Variants in SCOC observed in about 807,000 individuals in gnomAD.
SCOC encodes the protein short coiled-coil protein.
A neutral mutation model predicts 9.9 loss-of-function variants in SCOC; 7 were observed. The observed-to-expected ratio is 0.71, with a 90% CI of 0.40 to 1.33. SCOC has a LOEUF of 1.33. Ranked by LOEUF, SCOC falls within the 40% of genes most tolerant of loss-of-function variation. The pLI is 0.01. For synonymous variants in SCOC, 19 were observed against 28.2 expected (o/e 0.67, Z 1.03); for missense variants, 66 against 89.7 (o/e 0.74, Z 1.07).
intron 1 of SCOC, chr4:140,293,252 C>G: frequency 2.2e-6 from 1 of 455,012 alleles, no homozygotes; most frequent in South Asian, 1.6e-5. Flanking sequence ...ATAACCATAC[C>G]CCACATACCA....
chr4:140,375,819 A>T (rs1578884420), intron 1 of SCOC, among the ~76,000 whole-genome samples: 1 of 152,192 alleles, frequency 6.6e-6, no homozygotes, highest in Non-Finnish European at 1.5e-5. Flanking sequence ...GAAAGGTCTG[A>T]CCTAGCCATA....
At position 140,381,288 on chromosome 4, in the gene SCOC, A is replaced by T. The variant is rs990329626; in HGVS notation, c.*184A>T. 3.9e-6 allele frequency: 2 copies of T among 507,460 alleles called. No individual in the cohort carries two copies. The highest frequency in any genetic ancestry group is 6.4e-5 in the South Asian group (2 of 31,356). 31.4% of individuals were successfully genotyped at this position (507,460 alleles called of 1,614,324 possible). On this transcript the variant is annotated 3_prime_UTR_variant, in exon 4 of 4. Transcript: ENST00000608372. ...ATAAGTTTGTGTATTATGTTAGTCT[A>T]TGAAAACGTGCAAATGTATTGTAGA...
upstream of SCOC, among the ~76,000 whole-genome samples, chr4:140,372,733 G>A (rs1728108167): frequency 6.6e-6 from 1 of 152,150 alleles, no homozygotes; most frequent in Non-Finnish European, 1.5e-5. Context: ...GAGACATAAG[G>A]CTTGTCTCTA....
intron 1 of SCOC, among the ~76,000 whole-genome samples, chr4:140,327,238 G>A (rs1204862363): frequency 1.3e-5 from 2 of 152,168 alleles, no homozygotes; most frequent in African/African-American, 2.4e-5. Flanking sequence ...TTCGAAGAGC[G>A]AGGACTCTGT....
chr4:140,282,479 G>A (rs993637094), intron 1 of SCOC, among the ~76,000 whole-genome samples: 14 of 151,814 alleles, frequency 9.2e-5, no homozygotes, highest in East Asian at 1.9e-4. Context: ...CCCACCCCCC[G>A]TCCCCATGAA....
intron 2 of SCOC, among the ~76,000 whole-genome samples, chr4:140,347,183 G>A (rs1726774665): frequency 1.3e-5 from 2 of 151,954 alleles, no homozygotes; most frequent in South Asian, 4.1e-4. Flanking sequence ...ATGGCTACTA[G>A]GTTTTTTGGA....
At chr4:140,359,182 G>A (rs1033690876) in intron 2 of SCOC, among the ~76,000 whole-genome samples, 6 of 152,154 alleles carry the variant, frequency 3.9e-5, no homozygotes, top group African/African-American at 1.2e-4. Context: ...TCCCTTAGGG[G>A]TCTCTCCTGC....
intron 2 of SCOC, among the ~76,000 whole-genome samples, chr4:140,351,440 C>T (rs1560714426): frequency 6.6e-6 from 1 of 152,118 alleles, no homozygotes; most frequent in Non-Finnish European, 1.5e-5. Context: ...TCCTTCCCAT[C>T]GCTCCTCTCC....
chr4:140,270,738 A>C (rs1730825468), intron 1 of SCOC, among the ~76,000 whole-genome samples: 1 of 152,200 alleles, frequency 6.6e-6, no homozygotes, highest in African/African-American at 2.4e-5. Context: ...AGAAAGGCAC[A>C]TTCACAGATC....
chr4:140,300,908 C>A (rs900594735), intron 1 of SCOC, among the ~76,000 whole-genome samples: 1 of 152,178 alleles, frequency 6.6e-6, no homozygotes, highest in African/African-American at 2.4e-5. Flanking sequence ...GGGCTGGCAC[C>A]TCCTCAATGG....
chr4:140,380,070 A>G (rs1728505627), intron 3 of SCOC, among the ~76,000 whole-genome samples: 1 of 152,190 alleles, frequency 6.6e-6, no homozygotes, highest in Non-Finnish European at 1.5e-5. Flanking sequence ...TAATGAAATT[A>G]AGAGGTTGTG....
intron 2 of SCOC, among the ~76,000 whole-genome samples, chr4:140,348,334 A>T (rs1726829930): frequency 6.6e-6 from 1 of 152,062 alleles, no homozygotes; most frequent in Non-Finnish European, 1.5e-5. Flanking sequence ...ACCTCTGATA[A>T]TCATCATTGT....
intron 1 of SCOC, among the ~76,000 whole-genome samples, chr4:140,257,776 T>C (rs1730541212): frequency 6.6e-6 from 1 of 152,244 alleles, no homozygotes; most frequent in Non-Finnish European, 1.5e-5. Context: ...GCCAGCATCA[T>C]GATCATGACT....
chr4:140,377,666 A>G (rs1728398172), intron 1 of SCOC, among the ~76,000 whole-genome samples: 1 of 152,202 alleles, frequency 6.6e-6, no homozygotes, highest in African/African-American at 2.4e-5. Flanking sequence ...TCTAAAGTGT[A>G]ACAGGATTTA....
chr4:140,346,349 A>G (rs1726738383), intron 2 of SCOC, among the ~76,000 whole-genome samples: 1 of 152,182 alleles, frequency 6.6e-6, no homozygotes, highest in Non-Finnish European at 1.5e-5. Flanking sequence ...TGCTGGATAC[A>G]GAGGCTCTCA....
At chr4:140,286,372 A>C (rs569026553) in intron 1 of SCOC, among the ~76,000 whole-genome samples, 200 of 151,652 alleles carry the variant, frequency 1.3e-3, no homozygotes, top group African/African-American at 4.0e-3. Flanking sequence ...AAAAAAAAAA[A>C]CACAAAAAAC....
At chr4:140,323,895 C>A (rs1732572653) in intron 1 of SCOC, among the ~76,000 whole-genome samples, 1 of 152,024 alleles carries the variant, frequency 6.6e-6, no homozygotes, top group African/African-American at 2.4e-5. Flanking sequence ...CCCTAAGACT[C>A]AAACCAGCTT....
chr4:140,332,423 G>A (rs1295279768), intron 1 of SCOC, among the ~76,000 whole-genome samples: 2 of 136,862 alleles, frequency 1.5e-5, no homozygotes, highest in African/African-American at 5.4e-5. Flanking sequence ...CCAGGCTGGA[G>A]TGCAGAGTGC....
intron 1 of SCOC, among the ~76,000 whole-genome samples, chr4:140,281,413 C>T (rs1731093069): frequency 6.6e-6 from 1 of 152,160 alleles, no homozygotes; most frequent in Non-Finnish European, 1.5e-5. Context: ...CATATGTTCA[C>T]AGAAAAATGA....
Sources: allele counts gnomAD v4.1 joint callset (sites outside exome capture counted in the v4.1 genomes callset), GRCh38; gene constraint gnomAD v4.1.1; transcripts MANE v1.5; gene names NCBI Gene and HGNC (gene_info 2026-07-23, HGNC 2026-07-21).